Variants in SLC38A9 observed in about 807,000 individuals in gnomAD.
SLC38A9 encodes neutral amino acid transporter 9.
SLC38A9 carries 48 observed loss-of-function variants against 62.3 expected under a neutral mutation model. The observed-to-expected ratio is 0.77, with a 90% CI of 0.61 to 0.98. The LOEUF is 0.98. Ranked by LOEUF, SLC38A9 falls within the 50% of genes least tolerant of loss-of-function variation. SLC38A9 has a pLI of 0.00. For missense variants in SLC38A9, 541 were observed against 679.8 expected, an observed-to-expected ratio of 0.80 and a Z score of 2.27; for synonymous variants, 204 against 227.7, an observed-to-expected ratio of 0.90 and a Z score of 0.94.
chr5:55,647,011 A>C (rs1746475876), intron 11 of SLC38A9, among the ~76,000 whole-genome samples: 1 of 152,100 alleles, frequency 6.6e-6, no homozygotes, highest in South Asian at 2.1e-4. Flanking sequence ...CAGCCTCCCA[A>C]AGTGCTGGGA....
chr5:55,688,498 G>A (rs749182738), intron 3 of SLC38A9, among the ~76,000 whole-genome samples: 6 of 149,276 alleles, frequency 4.0e-5, no homozygotes, highest in Non-Finnish European at 7.4e-5. Context: ...TCCTGCCTCA[G>A]TCTCCAGAGT....
chr5:55,647,802 G>C (rs1417640484), intron 11 of SLC38A9, among the ~76,000 whole-genome samples: 1 of 152,112 alleles, frequency 6.6e-6, no homozygotes. Context: ...CTTTTTAATA[G>C]CACTATTGAA....
At chr5:55,681,211 AAT>A (rs1470726301) in intron 3 of SLC38A9, among the ~76,000 whole-genome samples, 1 of 152,216 alleles carries the variant, frequency 6.6e-6, no homozygotes, top group Non-Finnish European at 1.5e-5. Flanking sequence ...AAGAAATCAA[AAT>A]ATGATATAAA....
chr5:55,690,369 G>A (rs1320067520), intron 3 of SLC38A9, among the ~76,000 whole-genome samples: 1 of 152,156 alleles, frequency 6.6e-6, no homozygotes, highest in Non-Finnish European at 1.5e-5. Context: ...CAAAAAGACA[G>A]TTCCTTTGAG....
At chr5:55,654,586 G>A (rs34495473) in intron 9 of SLC38A9, among the ~76,000 whole-genome samples, 91,837 of 151,206 alleles carry the variant, frequency 0.61, 28,310 homozygotes, top group South Asian at 0.7. Flanking sequence ...AGCCTAGGCA[G>A]CAGAGAGAGA....
chr5:55,691,208 T>C (rs1292754749), intron 3 of SLC38A9: 2 of 944,890 alleles, frequency 2.1e-6, no homozygotes, highest in Non-Finnish European at 3.3e-6. Flanking sequence ...CATGTTAAAA[T>C]GCAAATAGCC....
At chr5:55,679,184 T>G (rs1277517755) in intron 3 of SLC38A9, among the ~76,000 whole-genome samples, 2 of 152,146 alleles carry the variant, frequency 1.3e-5, no homozygotes, top group Non-Finnish European at 2.9e-5. Context: ...AATTTGCAAA[T>G]GAATATGTGC....
intron 8 of SLC38A9, among the ~76,000 whole-genome samples, chr5:55,660,268 G>A (rs1228101799): frequency 6.6e-6 from 1 of 151,808 alleles, no homozygotes. Context: ...AAATTAGCCG[G>A]GCATGGTGGT....
At chr5:55,646,195 G>A (rs898085780) in intron 11 of SLC38A9, among the ~76,000 whole-genome samples, 14 of 152,174 alleles carry the variant, frequency 9.2e-5, no homozygotes, top group Non-Finnish European at 8.8e-5. Flanking sequence ...GGCCAACATG[G>A]CGAAACCTTG....
At chr5:55,634,331 A>G (rs1004383417) in intron 13 of SLC38A9, 1 of 153,728 alleles carries the variant, frequency 6.5e-6, no homozygotes, top group Non-Finnish European at 1.4e-5. Context: ...CCTCCTCTGA[A>G]GCACTGTAAG....
chr5:55,659,243 T>C (rs7716219), intron 8 of SLC38A9, among the ~76,000 whole-genome samples: 106,264 of 149,564 alleles, frequency 0.71, 37,840 homozygotes, highest in South Asian at 0.82. Flanking sequence ...CAACTTCACA[T>C]TAAAAAAAAA....
At chr5:55,691,677 TTAG>T (rs1213586022) in intron 3 of SLC38A9, among the ~76,000 whole-genome samples, 1 of 152,204 alleles carries the variant, frequency 6.6e-6, no homozygotes, top group East Asian at 1.9e-4. Context: ...AAGTAACCTC[TTAG>T]ACTGGTACTT....
chr5:55,646,187 C>T (rs189852900), intron 11 of SLC38A9, among the ~76,000 whole-genome samples: 3 of 152,228 alleles, frequency 2.0e-5, no homozygotes, highest in Admixed American at 2.0e-4. Context: ...ACCAGCCTGG[C>T]CAACATGGCG....
intron 12 of SLC38A9, among the ~76,000 whole-genome samples, chr5:55,639,804 A>C (rs1380467314): frequency 6.6e-6 from 1 of 152,166 alleles, no homozygotes; most frequent in Non-Finnish European, 1.5e-5. Context: ...CATATAGTCA[A>C]AGTGTTTAGA....
At chr5:55,690,353 G>A (rs1477005670) in intron 3 of SLC38A9, among the ~76,000 whole-genome samples, 1 of 152,076 alleles carries the variant, frequency 6.6e-6, no homozygotes, top group African/African-American at 2.4e-5. Context: ...CTCTTCAAGT[G>A]TTTAGCAAAA....
intron 2 of SLC38A9, among the ~76,000 whole-genome samples, chr5:55,699,947 A>G (rs1398147483): frequency 1.3e-5 from 2 of 152,232 alleles, no homozygotes; most frequent in African/African-American, 4.8e-5. Context: ...AGAAGACAGA[A>G]GTAATATCTG....
chr5:55,674,314 G>T (rs968109827), intron 3 of SLC38A9, among the ~76,000 whole-genome samples: 1 of 152,188 alleles, frequency 6.6e-6, no homozygotes, highest in Non-Finnish European at 1.5e-5. Context: ...GCTGTGGTTT[G>T]AATATGTCCC....
intron 8 of SLC38A9, among the ~76,000 whole-genome samples, chr5:55,663,533 C>T (rs1276093046): frequency 1.3e-5 from 2 of 151,524 alleles, no homozygotes; most frequent in East Asian, 2.0e-4. Flanking sequence ...GTCAGGAGAT[C>T]GAGAACAGCC....
In SLC38A9 at chr5:55,652,732, G is replaced by A; in HGVS notation, c.758-9C>T. 6.3e-7 allele frequency: 1 copy of A among 1,595,984 alleles called. No individual in the cohort carries two copies. ...GGCACTTGGACAAATCACTGCAATAGGAAAGCACCAGATTAAAGAAGATGA... is the reference window on the plus strand; with the variant it reads ...GGCACTTGGACAAATCACTGCAATAAGAAAGCACCAGATTAAAGAAGATGA... On this transcript the variant is annotated splice_polypyrimidine_tract_variant and intron_variant, in intron 9 of 15. Transcript: ENST00000396865.
Sources: allele counts gnomAD v4.1 joint callset (sites outside exome capture counted in the v4.1 genomes callset), GRCh38; gene constraint gnomAD v4.1.1; transcripts MANE v1.5; gene names NCBI Gene and HGNC (gene_info 2026-07-23, HGNC 2026-07-21).